Variants in PRKG1 observed in about 807,000 individuals in gnomAD.
PRKG1 encodes cGMP-dependent protein kinase 1.
A neutral mutation model predicts 88.1 loss-of-function variants in PRKG1; 35 were observed. The ratio of observed to expected loss-of-function variants is 0.40; its 90% CI spans 0.30 to 0.53. The LOEUF is 0.53. Ranked by LOEUF, PRKG1 falls within the 20% of genes least tolerant of loss-of-function variation. The pLI is 0.59. For synonymous variants in PRKG1, 303 were observed against 292.5 expected (o/e 1.04, Z -0.37); for missense variants, 540 against 839.8 (o/e 0.64, Z 4.41).
chr10:51,570,081 T>TATATATA (rs1837711378), intron 3 of PRKG1, among the ~76,000 whole-genome samples: 3 of 122,412 alleles, frequency 2.5e-5, no homozygotes, highest in Admixed American at 7.9e-5. Context: ...GTGTGTGTGT[T>TATATATA]TATATATGTA....
At chr10:50,992,428 C>T (rs959616133) in intron 1 of PRKG1, among the ~76,000 whole-genome samples, 5 of 152,202 alleles carry the variant, frequency 3.3e-5, no homozygotes, top group Admixed American at 1.3e-4. Context: ...AGTGACCTTG[C>T]ACCTGAAGCA....
intron 2 of PRKG1, among the ~76,000 whole-genome samples, chr10:51,286,846 T>C (rs774883894): frequency 6.6e-6 from 1 of 152,146 alleles, no homozygotes; most frequent in Admixed American, 6.5e-5. Flanking sequence ...CAGAGAGAGA[T>C]TGTTCAAAGC....
At position 51,856,211 on chromosome 10, in the gene PRKG1, A is replaced by C. The variant is rs138140184; in HGVS notation, c.699-51296A>C. 1.8e-4 allele frequency among the ~76,000 whole-genome samples: 27 copies of C among 152,326 alleles called. No individual in the cohort carries two copies. The East Asian group carries it at 5.2e-3, about 29-fold the overall frequency. On this transcript the variant is annotated intron_variant, in intron 4 of 17. Coordinates refer to ENST00000373980, the MANE Select transcript of PRKG1 (RefSeq NM_006258.4). ...TAATCCAGGATAATCCCCCTATCTCAAAAGTCTTAATCACATCCACAAAGT... is the reference window on the plus strand; with the variant it reads ...TAATCCAGGATAATCCCCCTATCTCCAAAGTCTTAATCACATCCACAAAGT...
chr10:51,450,507 G>A (rs1344673488), intron 2 of PRKG1, among the ~76,000 whole-genome samples: 1 of 151,850 alleles, frequency 6.6e-6, no homozygotes, highest in Non-Finnish European at 1.5e-5. Context: ...TCATGATGTT[G>A]GACTTCTAAC....
intron 3 of PRKG1, among the ~76,000 whole-genome samples, chr10:51,519,505 A>T (rs1234353933): frequency 6.6e-6 from 1 of 152,108 alleles, no homozygotes; most frequent in Non-Finnish European, 1.5e-5. Context: ...GAGGGGGGAA[A>T]TCTGGGCCAG....
At chr10:51,654,722 A>G (rs1840120932) in intron 3 of PRKG1, among the ~76,000 whole-genome samples, 3 of 152,134 alleles carry the variant, frequency 2.0e-5, no homozygotes, top group Non-Finnish European at 4.4e-5. Flanking sequence ...TATATTTTTA[A>G]AAGTTAATAA....
chr10:51,896,220 GT>G (rs1841843118), intron 4 of PRKG1, among the ~76,000 whole-genome samples: 1 of 152,144 alleles, frequency 6.6e-6, no homozygotes. Context: ...CTAGAAATTT[GT>G]TTTGATTACT....
chr10:52,157,326 T>C (rs925207701), intron 8 of PRKG1, among the ~76,000 whole-genome samples: 29 of 145,302 alleles, frequency 2.0e-4, no homozygotes, highest in Non-Finnish European at 3.2e-4. Flanking sequence ...TATATATATA[T>C]ATATATATAT....
intron 1 of PRKG1, among the ~76,000 whole-genome samples, chr10:51,147,895 T>C (rs1049856736): frequency 6.6e-6 from 1 of 152,320 alleles, no homozygotes; most frequent in African/African-American, 2.4e-5. Context: ...AATATCTAAA[T>C]TGGCCAATAA....
chr10:52,107,748 C>A (rs1028599351), intron 7 of PRKG1, among the ~76,000 whole-genome samples: 1 of 152,140 alleles, frequency 6.6e-6, no homozygotes, highest in Non-Finnish European at 1.5e-5. Flanking sequence ...TGTCTATGGG[C>A]CATGGATTTT....
intron 3 of PRKG1, among the ~76,000 whole-genome samples, chr10:51,514,312 G>T (rs1265196374): frequency 6.6e-6 from 1 of 152,104 alleles, no homozygotes; most frequent in Non-Finnish European, 1.5e-5. Flanking sequence ...CTGGGTCGTG[G>T]TTATACTAGT....
chr10:51,860,731 G>A (rs1342136171), intron 4 of PRKG1, among the ~76,000 whole-genome samples: 2 of 152,158 alleles, frequency 1.3e-5, no homozygotes, highest in Admixed American at 1.3e-4. Context: ...TAAGGACTTT[G>A]TTGAACTTGG....
chr10:51,747,538 T>A (rs775272241), intron 3 of PRKG1, among the ~76,000 whole-genome samples: 9 of 152,176 alleles, frequency 5.9e-5, no homozygotes, highest in African/African-American at 2.4e-5. Context: ...AGGTTTTGAT[T>A]GTGTAGGTCT....
intron 4 of PRKG1, among the ~76,000 whole-genome samples, chr10:51,841,448 C>T (rs528383229): frequency 1.1e-4 from 17 of 152,274 alleles, no homozygotes; most frequent in African/African-American, 4.1e-4. Flanking sequence ...TAAGAAAGCA[C>T]ATAGCCTGGA....
intron 7 of PRKG1, among the ~76,000 whole-genome samples, chr10:52,084,923 A>T (rs1168098872): frequency 6.6e-6 from 1 of 152,016 alleles, no homozygotes; most frequent in Non-Finnish European, 1.5e-5. Context: ...CTTGGTGCAG[A>T]TATTTTTTGA....
intron 4 of PRKG1, among the ~76,000 whole-genome samples, chr10:51,817,023 G>T (rs1342967373): frequency 2.6e-5 from 4 of 152,004 alleles, no homozygotes; most frequent in Admixed American, 6.6e-5. Context: ...AGCAAGAAAA[G>T]AAATATTAAA....
intron 3 of PRKG1, among the ~76,000 whole-genome samples, chr10:51,686,935 C>T (rs1321449669): frequency 6.6e-6 from 1 of 152,056 alleles, no homozygotes; most frequent in Non-Finnish European, 1.5e-5. Flanking sequence ...TGGGGTTTCA[C>T]CATATTGGCC....
intron 3 of PRKG1, among the ~76,000 whole-genome samples, chr10:51,742,256 G>C (rs1254063326): frequency 6.6e-6 from 1 of 152,178 alleles, no homozygotes; most frequent in Non-Finnish European, 1.5e-5. Context: ...GAATGTCTTA[G>C]TGATTATATG....
chr10:52,270,037 C>T (rs763485578), intron 10 of PRKG1, among the ~76,000 whole-genome samples: 3 of 152,008 alleles, frequency 2.0e-5, no homozygotes, highest in Non-Finnish European at 2.9e-5. Flanking sequence ...GAAAAACAAA[C>T]GGTTTTCAAA....
Sources: gnomAD v4.1 joint callset for allele counts (sites outside exome capture counted in the v4.1 genomes callset) on GRCh38, gnomAD v4.1.1 for gene constraint, MANE v1.5 for transcripts, NCBI Gene and HGNC (gene_info 2026-07-23, HGNC 2026-07-21) for gene names.